Variants in PTBP2 observed in about 807,000 individuals in gnomAD.
PTBP2 encodes the protein polypyrimidine tract binding protein 2, also known as polypyrimidine tract-binding protein 2.
In PTBP2, 13 loss-of-function variants were observed where a neutral mutation model predicts 61.4. The ratio of observed to expected loss-of-function variants is 0.21; its 90% CI spans 0.14 to 0.34. The LOEUF (loss-of-function observed/expected upper bound fraction) is 0.34, where lower values mean the gene tolerates loss of function less well. Among genes scored for constraint, PTBP2 ranks in the 10% least tolerant of loss-of-function variants. PTBP2 has a pLI of 1.00. For missense variants in PTBP2, 405 were observed against 642.6 expected (o/e 0.63, Z 4.00); for synonymous variants, 215 against 218.5 (o/e 0.98, Z 0.14).
At chr1:96,785,385 A>G in intron 8 of PTBP2, 131 bp downstream of exon 8, 1 of 637,028 alleles carries the variant, frequency 1.6e-6, no homozygotes, top group Non-Finnish European at 2.5e-6. Context: ...CTTTTTCTCA[A>G]GTGAGAAGGC....
At chr1:96,786,757 G>A (rs1486064455) in intron 8 of PTBP2, among the ~76,000 whole-genome samples, 3 of 151,932 alleles carry the variant, frequency 2.0e-5, no homozygotes, top group Admixed American at 6.6e-5. Flanking sequence ...ACTCATCAAA[G>A]AAACAATTTA....
chr1:96,822,593 T>C (rs1249505880), exon 14 of PTBP2: 1 of 152,216 alleles, frequency 6.6e-6, no homozygotes, highest in Non-Finnish European at 1.5e-5. Context: ...TGATTTAGTT[T>C]TTGTATGTTT....
At chr1:96,751,558 A>ATTTG in intron 3 of PTBP2, 58 bp downstream of exon 3, 1 of 1,316,852 alleles carries the variant, frequency 7.6e-7, no homozygotes, top group South Asian at 1.3e-5. Context: ...AGAATGTTAA[A>ATTTG]ACTCAAATTT....
chr1:96,811,833 A>G (rs1662117381), intron 11 of PTBP2, among the ~76,000 whole-genome samples: 1 of 152,364 alleles, frequency 6.6e-6, no homozygotes, highest in South Asian at 2.1e-4. Context: ...TGAATAAAAC[A>G]TATAACTTTC....
chr1:96,778,038 G>GT (rs368182018), intron 7 of PTBP2, 92 bp downstream of exon 7: 63 of 508,116 alleles, frequency 1.2e-4, no homozygotes, highest in African/African-American at 1.0e-3. Context: ...ATGATATCTT[G>GT]TAGCATTACA....
downstream of PTBP2, chr1:96,817,181 A>T (rs2101303357): frequency 6.6e-6 from 1 of 152,262 alleles, no homozygotes; most frequent in African/African-American, 2.4e-5. Context: ...GGTAATTTTA[A>T]CACTCAGGAA....
chr1:96,749,104 TA>T (rs200658197), intron 2 of PTBP2, among the ~76,000 whole-genome samples: 3 of 150,734 alleles, frequency 2.0e-5, no homozygotes, highest in Non-Finnish European at 4.4e-5. Context: ...AATACAAACT[TA>T]AAAAAAAATG....
downstream of PTBP2, chr1:96,816,384 A>G (rs1270927395): frequency 6.6e-6 from 1 of 152,226 alleles, no homozygotes; most frequent in Non-Finnish European, 1.5e-5. Context: ...AGAGTGAACA[A>G]GCTAACAAGT....
chr1:96,726,728 C>T (rs568701391), intron 2 of PTBP2, among the ~76,000 whole-genome samples: 2 of 152,224 alleles, frequency 1.3e-5, no homozygotes, highest in African/African-American at 4.8e-5. Flanking sequence ...TGAGCCACCG[C>T]GCCTAGCCAA....
intron 11 of PTBP2, among the ~76,000 whole-genome samples, chr1:96,811,978 A>G (rs775582719): frequency 2.0e-5 from 3 of 152,220 alleles, no homozygotes; most frequent in Non-Finnish European, 4.4e-5. Flanking sequence ...GAATATTTGC[A>G]TTATACCAAT....
chr1:96,803,050 A>G (rs1049913995), intron 8 of PTBP2, among the ~76,000 whole-genome samples: 5 of 152,192 alleles, frequency 3.3e-5, no homozygotes, highest in Non-Finnish European at 5.9e-5. Context: ...TATCCATTGA[A>G]TGTTAAATGA....
intron 5 of PTBP2, among the ~76,000 whole-genome samples, chr1:96,774,374 C>T (rs888423574): frequency 2.0e-5 from 3 of 152,122 alleles, no homozygotes. Flanking sequence ...TGTCTCCAGT[C>T]CATTTGGTTC....
intron 2 of PTBP2, among the ~76,000 whole-genome samples, chr1:96,736,231 C>A (rs188741320): frequency 1.1e-4 from 17 of 152,226 alleles, no homozygotes; most frequent in African/African-American, 3.6e-4. Flanking sequence ...GTTTGTACTT[C>A]AGGAAGAAAG....
At chr1:96,821,537 TA>T (rs1324570890) in exon 14 of PTBP2, 1 of 152,084 alleles carries the variant, frequency 6.6e-6, no homozygotes, top group Non-Finnish European at 1.5e-5. Context: ...AAATAGCTCC[TA>T]AAAATATGGA....
chr1:96,793,084 A>C (rs2101112809), intron 8 of PTBP2, among the ~76,000 whole-genome samples: 1 of 152,332 alleles, frequency 6.6e-6, no homozygotes, highest in South Asian at 2.1e-4. Context: ...AATCAGAAAT[A>C]CTTGGTTAGA....
chr1:96,780,510 A>C (rs994886630), intron 7 of PTBP2, among the ~76,000 whole-genome samples: 9 of 152,096 alleles, frequency 5.9e-5, no homozygotes, highest in Non-Finnish European at 1.3e-4. Context: ...GAGTAGCTAA[A>C]TGCTAGTGAT....
rs1662408820 is a variant in PTBP2 at position 96,814,943 on chromosome 1, A to C, written c.*1538A>C. ...CTCTCCTCTTCTTTGTTTTCACTCC[A>C]CTGTGCTTCTGAATTCATGTTTATT... On this transcript the variant is annotated 3_prime_UTR_variant, in exon 14 of 14. Coordinates refer to ENST00000674951, the MANE Select transcript of PTBP2 (RefSeq NM_021190.4). 6.6e-6 allele frequency: 1 copy of C among 152,018 alleles called. No homozygotes were observed. Among genetic ancestry groups the C allele is most frequent in the Admixed American group, 6.6e-5 (1 of 15,190 alleles). 9.4% of individuals were successfully genotyped at this position (152,018 alleles called of 1,614,324 possible). A position where few individuals can be genotyped will look rare whatever the true frequency, so the allele number is the denominator to read the frequency against.
chr1:96,745,539 A>T (rs1653638927), intron 2 of PTBP2, among the ~76,000 whole-genome samples: 1 of 152,084 alleles, frequency 6.6e-6, no homozygotes, highest in Non-Finnish European at 1.5e-5. Context: ...TTTTTTCAAT[A>T]TGGATTTTTC....
chr1:96,764,822 C>T (rs1656475916), intron 3 of PTBP2, among the ~76,000 whole-genome samples: 1 of 152,152 alleles, frequency 6.6e-6, no homozygotes, highest in African/African-American at 2.4e-5. Flanking sequence ...AACTTATCTT[C>T]TTGTATATAA....
Sources: allele counts gnomAD v4.1 joint callset (sites outside exome capture counted in the v4.1 genomes callset), GRCh38; gene constraint gnomAD v4.1.1; transcripts MANE v1.5; gene names NCBI Gene and HGNC (gene_info 2026-07-23, HGNC 2026-07-21).